The following SEMA3G variants were observed in gnomAD, a reference collection of about 807,000 sequenced individuals.
The protein encoded by SEMA3G is semaphorin 3G.
In SEMA3G, 70 loss-of-function variants were observed where a neutral mutation model predicts 86.2. The ratio of observed to expected loss-of-function variants is 0.81; its 90% CI spans 0.67 to 0.99. The LOEUF is 0.99. Among genes scored for constraint, SEMA3G ranks in the 50% least tolerant of loss-of-function variants. The pLI is 0.00. For synonymous variants in SEMA3G, 416 were observed against 441.4 expected, an observed-to-expected ratio of 0.94 and a Z score of 0.72; for missense variants, 1,002 against 1,072.4, an observed-to-expected ratio of 0.93 and a Z score of 0.92.
rs1002644840 is a variant in SEMA3G, at chr3:52,443,087, G to T, written c.116-180C>A. ...CATGGCTCCTGGGGACAGGTGGGAC[G>T]GGAGGCTCAGAGCCTCCCACCTGGC... On this transcript the variant is annotated intron_variant, in intron 1 of 15. Transcript: ENST00000231721. 27 of 1,525,324 alleles carry T rather than the reference G, an allele frequency of 1.8e-5. 2 individuals are homozygous for T. In the Middle Eastern group the frequency reaches 1.0e-3, roughly 57 times the overall value. The allele number at this position is 1,525,324 out of a possible 1,614,324, so 94.5% of individuals were successfully genotyped here. A position where few individuals can be genotyped will look rare whatever the true frequency, so the allele number is the denominator to read the frequency against.
chr3:52,441,701 G>T lies in SEMA3G; in HGVS notation c.551-11C>A, dbSNP rs370638529. ...TGTACAGCTCCCCGTCTGGGGTGGG[G>T]GTTGGGGAACAGAGTCAGGGGAGGA... On this transcript the variant is annotated splice_polypyrimidine_tract_variant and intron_variant, in intron 5 of 15. Transcript: ENST00000231721. 3 of 1,610,680 alleles carry T rather than the reference G, an allele frequency of 1.9e-6. No homozygotes were observed. In the Admixed American group the frequency reaches 5.0e-5, roughly 27 times the overall value.
At chr3:52,443,827 G>A (rs1450435332) in intron 1 of SEMA3G, among the ~76,000 whole-genome samples, 2 of 152,162 alleles carry the variant, frequency 1.3e-5, no homozygotes, top group Non-Finnish European at 2.9e-5. Flanking sequence ...CTCCAGGGAC[G>A]AGCGCCATCT....
intron 12 of SEMA3G, among the ~76,000 whole-genome samples, chr3:52,439,244 T>C (rs1351053374): frequency 6.6e-6 from 1 of 152,034 alleles, no homozygotes; most frequent in African/African-American, 2.4e-5. Context: ...CTGTCCCAAA[T>C]TACCCAGCTC....
In SEMA3G at chr3:52,442,432, C is replaced by G; in HGVS notation, c.339+127G>C. The stretch of plus-strand genomic sequence containing the variant: ...GGGTGGGTGTGACATTCCCAGCAGA[C>G]CTTCAAAAGCCCTCAAGATCTGCTC... On this transcript the variant is annotated intron_variant, in intron 3 of 15. Coordinates refer to ENST00000231721, the MANE Select transcript of SEMA3G (RefSeq NM_020163.3). The surrounding 1 kb of genome is among the most constrained non-coding windows in gnomAD (Gnocchi z 6.1). 4 of 1,275,110 alleles carry G rather than the reference C, an allele frequency of 3.1e-6. No individual in the cohort carries two copies. The South Asian group carries it at 5.0e-5, about 16-fold the overall frequency. 79.0% of individuals were successfully genotyped at this position (1,275,110 alleles called of 1,614,324 possible). A position where few individuals can be genotyped will look rare whatever the true frequency, so the allele number is the denominator to read the frequency against.
At chr3:52,438,570 A>G (rs1275258747) in intron 13 of SEMA3G, 7 of 985,370 alleles carry the variant, frequency 7.1e-6, no homozygotes, top group Non-Finnish European at 4.8e-6. Context: ...ACAAAGATAC[A>G]CTGGAGCAGA....
rs745860969 is a variant in SEMA3G, at chr3:52,440,017, G to C, written c.1225C>G (p.Arg409Gly). The change falls in exon 11 of 16, where the codon CGA becomes GGA. Residue 409 changes from arginine (R) to glycine (G), a missense_variant. Arg to Gly is a moderately radical substitution (Grantham distance 125). Coordinates refer to ENST00000231721, the MANE Select transcript of SEMA3G (RefSeq NM_020163.3). ...GGCCAGAACATGAGGGGGTGGGCTC[G>C]GGCAAACTGCAGCACCTCATCTGGG... ...DYPDEVLQFA[R>G]AHPLMFWPVR... 6.2e-7 allele frequency: 1 copy of C among 1,612,094 alleles called. No individual in the cohort carries two copies. Among genetic ancestry groups the C allele is most frequent in the Admixed American group, 1.7e-5 (1 of 59,838 alleles).
At position 52,440,953 on chromosome 3, in the gene SEMA3G, C is replaced by G; in HGVS notation, c.909G>C (p.Glu303Asp). ...CCTCACCTAGCTGGTCAAAGTGGGT[C>G]TCGGCACCACCAGGGCCGGGCACCG... ...VCSVPGPGGAETHFDQLEDVF... is the reference protein window; with the variant it reads ...VCSVPGPGGADTHFDQLEDVF... Residue 303 changes from glutamate (E) to aspartate (D), a missense_variant, in exon 8 of 16, where the codon GAG becomes GAC. Glu to Asp is a conservative substitution (Grantham distance 45, BLOSUM62 2). Transcript: ENST00000231721. 1 of 1,606,034 alleles carries G rather than the reference C, an allele frequency of 6.2e-7. No individual in the cohort carries two copies. The highest frequency in any genetic ancestry group is 2.2e-5 in the East Asian group (1 of 44,860).
rs202238024 is a variant in SEMA3G at position 52,438,209 on chromosome 3, G to A, written c.1510-10C>T. 6.2e-7 allele frequency: 1 copy of A among 1,607,584 alleles called. No homozygotes were observed. Among genetic ancestry groups the A allele is most frequent in the Non-Finnish European group, 8.5e-7 (1 of 1,176,446 alleles). Reference sequence around the variant, plus strand: ...CCACGTATAGCATTTGCTGGGGAGGGACAGAAGCAGAGCCTGAGGTGAGCC... The same window carrying A: ...CCACGTATAGCATTTGCTGGGGAGGAACAGAAGCAGAGCCTGAGGTGAGCC... On this transcript the variant is annotated splice_polypyrimidine_tract_variant and intron_variant, in intron 13 of 15. Coordinates refer to ENST00000231721, the MANE Select transcript of SEMA3G (RefSeq NM_020163.3).
Position 52,436,012 on chromosome 3 carries a change from C to A in SEMA3G, c.1940G>T (p.Arg647Leu), listed in dbSNP as rs766435587. 1 of 1,613,640 alleles carries A rather than the reference C, an allele frequency of 6.2e-7. No homozygotes were observed. The highest frequency in any genetic ancestry group is 8.5e-7 in the Non-Finnish European group (1 of 1,180,014). ...GCAGGTGTAGGTGCCCGCATCGAAA[C>A]GGCTAAGCCTGCGGAACAGCAGCCC... ...ERGLLFRRLS[R>L]FDAGTYTCTT... Residue 647 changes from arginine (R) to leucine (L), a missense_variant, in exon 16 of 16, where the codon CGT becomes CTT. Coordinates refer to ENST00000231721, the MANE Select transcript of SEMA3G (RefSeq NM_020163.3).
Position 52,435,661 on chromosome 3 carries a change from A to C in SEMA3G, c.2291T>G (p.Met764Arg). ...GTGCTCGGCATGCACCCGGCTCTTCATCTTCTTGCCTAGCTCCAGCCCTGC... is the reference window on the plus strand; with the variant it reads ...GTGCTCGGCATGCACCCGGCTCTTCCTCTTCTTGCCTAGCTCCAGCCCTGC... Reference protein sequence around the residue: ...SWAGLELGKKMKSRVHAEHNR... With the variant: ...SWAGLELGKKRKSRVHAEHNR... Residue 764 changes from methionine (M) to arginine (R), a missense_variant, in exon 16 of 16, where the codon ATG becomes AGG. Met to Arg is a moderately conservative substitution (Grantham distance 91, BLOSUM62 -1). Coordinates refer to ENST00000231721, the MANE Select transcript of SEMA3G (RefSeq NM_020163.3). The C allele has an allele frequency of 6.2e-7, 1 of 1,613,442 alleles. No homozygotes were observed. The highest frequency in any genetic ancestry group is 8.5e-7 in the Non-Finnish European group (1 of 1,179,850).
intron 12 of SEMA3G, 139 bp downstream of exon 12, chr3:52,439,541 C>T: frequency 1.5e-6 from 1 of 684,576 alleles, no homozygotes. Flanking sequence ...CTTTCTGCAT[C>T]CCCTCCCCAG....
rs1463325866 is a variant in SEMA3G, at chr3:52,442,982, G to T, written c.116-75C>A. 6.5e-7 allele frequency: 1 copy of T among 1,549,406 alleles called. No individual in the cohort carries two copies. The highest frequency in any genetic ancestry group is 8.7e-7 in the Non-Finnish European group (1 of 1,146,840). Reference sequence around the variant, plus strand: ...CCCCAGCCAAGGAGTGGAGGTGGAGGCCCCGGCTGAGCATCCACCCCTGAC... The same window carrying T: ...CCCCAGCCAAGGAGTGGAGGTGGAGTCCCCGGCTGAGCATCCACCCCTGAC... On this transcript the variant is annotated intron_variant, in intron 1 of 15. Coordinates refer to ENST00000231721, the MANE Select transcript of SEMA3G (RefSeq NM_020163.3). This position sits in a 1 kb window ranked among gnomAD's most constrained non-coding sequence, Gnocchi z 6.1.
chr3:52,436,973 C>T (rs924420545), intron 15 of SEMA3G, among the ~76,000 whole-genome samples: 41 of 152,318 alleles, frequency 2.7e-4, no homozygotes, highest in African/African-American at 9.6e-4. Context: ...CTTAAACCAT[C>T]CCTGGGGTTG....
chr3:52,438,946 T>A lies in SEMA3G; in HGVS notation c.1483A>T (p.Thr495Ser), dbSNP rs1706096569. ...LQVFKVPTPI[T>S]EMEISVKRQM... is the part of the protein sequence containing the mutation. ...CTTTTGACAGAGATCTCCATTTCGG[T>A]GATAGGTGTTGGCACCTGGGGAAGG... is the stretch of plus-strand genomic sequence containing the variant. Residue 495 changes from threonine (T) to serine (S), a missense_variant, in exon 13 of 16, where the codon ACC becomes TCC. Transcript: ENST00000231721. 2 of 1,613,496 alleles carry A rather than the reference T, an allele frequency of 1.2e-6. No homozygotes were observed. Among genetic ancestry groups the A allele is most frequent in the Non-Finnish European group, 1.7e-6 (2 of 1,179,666 alleles).
Position 52,439,671 on chromosome 3 carries a change from C to A in SEMA3G, c.1467+9G>T. The stretch of plus-strand genomic sequence containing the variant: ...CTTGGAGGGACCCTTCCATCAGCCC[C>A]TTGCTTACCTTAAACACCTGGAGCT... On this transcript the variant is annotated intron_variant, in intron 12 of 15. Coordinates refer to ENST00000231721, the MANE Select transcript of SEMA3G (RefSeq NM_020163.3). 3 of 1,612,258 alleles carry A rather than the reference C, an allele frequency of 1.9e-6. No homozygotes were observed. The highest frequency in any genetic ancestry group is 2.5e-6 in the Non-Finnish European group (3 of 1,178,414).
Position 52,440,972 on chromosome 3 carries a change from G to A in SEMA3G, c.890C>T (p.Pro297Leu). The change falls in exon 8 of 16, where the codon CCC (proline) becomes CTC (leucine). Residue 297 changes from proline (P) to leucine (L), a missense_variant. By Grantham distance (98) the Pro-to-Leu change is moderately conservative. Coordinates refer to ENST00000231721, the MANE Select transcript of SEMA3G (RefSeq NM_020163.3). ...FLKARLVCSV[P>L]GPGGAETHFD... is the part of the protein sequence containing the mutation. Reference sequence around the variant, plus strand: ...GTGGGTCTCGGCACCACCAGGGCCGGGCACCGAGCAGACCAGCCTGGCCTT... The same window carrying A: ...GTGGGTCTCGGCACCACCAGGGCCGAGCACCGAGCAGACCAGCCTGGCCTT... 1 of 1,607,334 alleles carries A rather than the reference G, an allele frequency of 6.2e-7. No homozygotes were observed. The highest frequency in any genetic ancestry group is 2.2e-5 in the East Asian group (1 of 44,872).
At position 52,441,875 on chromosome 3, in the gene SEMA3G, C is replaced by CT. The variant is rs1706165447; in HGVS notation, c.493dup (p.Ser165LysfsTer30). On this transcript the variant is annotated frameshift_variant, in exon 5 of 16. Coordinates refer to ENST00000231721, the MANE Select transcript of SEMA3G (RefSeq NM_020163.3). LOFTEE classifies it high-confidence loss of function. ...CTCGTGAGGGCACCGCCCCCGGCCACTTTCCACACTGCCAGGCTCCAGGTG... is the reference window on the plus strand; with the variant it reads ...CTCGTGAGGGCACCGCCCCCGGCCACTTTTCCACACTGCCAGGCTCCAGGTG... 5 of 1,587,246 alleles carry CT rather than the reference C, an allele frequency of 3.2e-6. No individual in the cohort carries two copies. The South Asian group carries it at 4.5e-5, about 14-fold the overall frequency.
Position 52,442,287 on chromosome 3 carries a change from G to A in SEMA3G, c.357C>T (p.Phe119=), listed in dbSNP as rs777943668. The A allele has an allele frequency of 5.0e-6, 8 of 1,613,760 alleles. No individual in the cohort carries two copies. The highest frequency in any genetic ancestry group is 4.0e-5 in the African/African-American group (3 of 74,878). ...GGTTGTGAGGCTGTAGCACCCGCAC[G>A]AAGTTGGCGCACTCTGTCTGCGGGG... ...GRDPLTECAN[F]VRVLQPHNRT... The change falls in exon 4 of 16, where the codon TTC becomes TTT. Residue 119 remains phenylalanine, a synonymous_variant. Transcript: ENST00000231721. The surrounding 1 kb of genome is among the most constrained non-coding windows in gnomAD (Gnocchi z 6.1).
In SEMA3G at chr3:52,435,496, G is replaced by A; in HGVS notation, c.*107C>T. ...GGGGCAGAGACACCTGTCTCTAAGA[G>A]GCAAACAGACATCCTGACCCCTCTG... On this transcript the variant is annotated 3_prime_UTR_variant, in exon 16 of 16. Transcript: ENST00000231721. 1 of 1,092,664 alleles carries A rather than the reference G, an allele frequency of 9.2e-7. No individual in the cohort carries two copies. The highest frequency in any genetic ancestry group is 1.3e-6 in the Non-Finnish European group (1 of 757,240). The allele number at this position is 1,092,664 out of a possible 1,614,324, so 67.7% of individuals were successfully genotyped here.
Sources: gnomAD v4.1 joint callset for allele counts (sites outside exome capture counted in the v4.1 genomes callset) on GRCh38, gnomAD v4.1.1 for gene constraint, Gnocchi (gnomAD v3.1) non-coding constraint, MANE v1.5 for transcripts, NCBI Gene and HGNC (gene_info 2026-07-23, HGNC 2026-07-21) for gene names.